The following FMN2 variants were observed in gnomAD, a reference collection of about 807,000 sequenced individuals.
FMN2 encodes formin-2.
A neutral mutation model predicts 142.3 loss-of-function variants in FMN2; 51 were observed. The ratio of observed to expected loss-of-function variants is 0.36; its 90% CI spans 0.29 to 0.45. FMN2 has a LOEUF of 0.45. Among genes scored for constraint, FMN2 ranks in the 20% least tolerant of loss-of-function variants. The pLI, the probability that FMN2 is intolerant of heterozygous loss-of-function variation, is 1.00. For missense variants in FMN2, 1,936 were observed against 2,122.8 expected (o/e 0.91, Z 1.73); for synonymous variants, 882 against 869.8 (o/e 1.01, Z -0.25).
chr1:240,411,107 T>A (rs1674372356), intron 15 of FMN2, among the ~76,000 whole-genome samples: 1 of 152,232 alleles, frequency 6.6e-6, no homozygotes, highest in Non-Finnish European at 1.5e-5. Context: ...AGGAAGGTTG[T>A]CTAGAAGATA....
chr1:240,275,847 A>G (rs1189477165), intron 7 of FMN2, among the ~76,000 whole-genome samples: 1 of 152,192 alleles, frequency 6.6e-6, no homozygotes, highest in Admixed American at 6.5e-5. Context: ...ACCAGTAATG[A>G]TGAGCTTTTT....
At chr1:240,416,575 C>G (rs1283941086) in intron 15 of FMN2, among the ~76,000 whole-genome samples, 2 of 152,062 alleles carry the variant, frequency 1.3e-5, no homozygotes, top group Non-Finnish European at 2.9e-5. Flanking sequence ...CCCAGCCTCC[C>G]TTTCCATTCT....
Position 240,092,401 on chromosome 1 carries a change from C to A in FMN2, c.292C>A (p.Leu98Met). The change falls in exon 1 of 18, where the codon CTG (leucine) becomes ATG (methionine). Residue 98 changes from leucine (L) to methionine (M), a missense_variant. This residue lies in a region of FMN2 where 751 missense variants were observed against 791.8 expected (regional missense o/e 0.95). Transcript: ENST00000319653. ...KGAGGSREDV[L>M]DSQALQTGEL... Reference sequence around the variant, plus strand: ...CGCCGGCGGCTCCCGCGAAGATGTACTGGATTCCCAGGCCCTGCAGACCGG... The same window carrying A: ...CGCCGGCGGCTCCCGCGAAGATGTAATGGATTCCCAGGCCCTGCAGACCGG... The A allele has an allele frequency of 6.2e-7, 1 of 1,612,760 alleles. No individual in the cohort carries two copies. Among genetic ancestry groups the A allele is most frequent in the Non-Finnish European group, 8.5e-7 (1 of 1,179,694 alleles).
chr1:240,266,091 T>C (rs56905046), intron 7 of FMN2, among the ~76,000 whole-genome samples: 2,799 of 150,998 alleles, frequency 0.019, 71 homozygotes, highest in African/African-American at 0.065. Flanking sequence ...GTTATCTGGG[T>C]ATATTGCATG....
intron 16 of FMN2, among the ~76,000 whole-genome samples, chr1:240,468,262 A>ACACACACATATACATATG (rs1335853540): frequency 6.8e-4 from 104 of 151,976 alleles, no homozygotes; most frequent in African/African-American, 2.5e-3. Flanking sequence ...ATACATATGC[A>ACACACACATATACATATG]CACACACATA....
chr1:240,355,950 GCA>G, intron 14 of FMN2, 42 bp downstream of exon 14: 1 of 86,174 alleles, frequency 1.2e-5, no homozygotes. Context: ...TCCCCTTTCA[GCA>G]AAAAAAAAAA....
chr1:240,296,812 TA>T (rs1572166611), intron 8 of FMN2, among the ~76,000 whole-genome samples: 1 of 152,152 alleles, frequency 6.6e-6, no homozygotes, highest in East Asian at 1.9e-4. Flanking sequence ...ATGGTGAGCA[TA>T]AGCATTCAGT....
At chr1:240,289,290 A>T (rs2102950933) in intron 7 of FMN2, among the ~76,000 whole-genome samples, 1 of 152,242 alleles carries the variant, frequency 6.6e-6, no homozygotes, top group African/African-American at 2.4e-5. Flanking sequence ...CCCTGATTTT[A>T]AAAAATATCA....
chr1:240,115,496 T>A (rs1401074697), intron 1 of FMN2, among the ~76,000 whole-genome samples: 2 of 152,188 alleles, frequency 1.3e-5, no homozygotes, highest in African/African-American at 2.4e-5. Context: ...CTGACACACA[T>A]TGCCAAATTG....
At chr1:240,109,329 G>C (rs1451978152) in intron 1 of FMN2, among the ~76,000 whole-genome samples, 6 of 152,206 alleles carry the variant, frequency 3.9e-5, no homozygotes, top group Non-Finnish European at 8.8e-5. Flanking sequence ...TACTGAAGTG[G>C]ATTGTCACTG....
chr1:240,218,973 G>A (rs1215236450), intron 6 of FMN2, among the ~76,000 whole-genome samples: 1 of 152,144 alleles, frequency 6.6e-6, no homozygotes, highest in Non-Finnish European at 1.5e-5. Flanking sequence ...GATAAAGGCT[G>A]TGTGGAGGAG....
At position 240,093,624 on chromosome 1, in the gene FMN2, C is replaced by A; in HGVS notation, c.1515C>A (p.Arg505=). The change falls in exon 1 of 18, where the codon CGC becomes CGA. Residue 505 remains arginine, a synonymous_variant. Coordinates refer to ENST00000319653, the MANE Select transcript of FMN2 (RefSeq NM_020066.5). The stretch of plus-strand genomic sequence containing the variant: ...GAGGCTCCGCGCACCTGCTGGAGCG[C>A]GGGGTGGCGAGTGACAGCGGCGGTG... ...RVGGSAHLLE[R]GVASDSGGGV... is the part of the protein sequence containing the mutation. The A allele has an allele frequency of 7.0e-7, 1 of 1,421,750 alleles. No individual in the cohort carries two copies. 88.1% of individuals were successfully genotyped at this position (1,421,750 alleles called of 1,614,324 possible). A position where few individuals can be genotyped will look rare whatever the true frequency, so the allele number is the denominator to read the frequency against.
chr1:240,352,751 G>A (rs1672136775), intron 13 of FMN2, among the ~76,000 whole-genome samples: 1 of 152,158 alleles, frequency 6.6e-6, no homozygotes, highest in East Asian at 1.9e-4. Context: ...ACAGTTTTAG[G>A]AAACTCTCAA....
chr1:240,437,972 A>G, intron 15 of FMN2, 89 bp from the exon 16 acceptor site: 1 of 1,467,924 alleles, frequency 6.8e-7, no homozygotes, highest in South Asian at 1.4e-5. Flanking sequence ...ATTGTGCATG[A>G]ATAAAATCAG....
At chr1:240,188,635 C>T (rs891149574) in intron 4 of FMN2, among the ~76,000 whole-genome samples, 10 of 152,164 alleles carry the variant, frequency 6.6e-5, no homozygotes, top group Non-Finnish European at 1.5e-5. Flanking sequence ...TCTGTCAGAG[C>T]TTTGCTAAAG....
intron 2 of FMN2, among the ~76,000 whole-genome samples, chr1:240,173,429 G>T (rs1376663084): frequency 1.3e-5 from 2 of 152,176 alleles, no homozygotes; most frequent in African/African-American, 4.8e-5. Flanking sequence ...TGACAGGTGT[G>T]CTGAGTTAGC....
intron 8 of FMN2, among the ~76,000 whole-genome samples, chr1:240,299,677 C>T (rs1282801488): frequency 1.3e-5 from 2 of 151,968 alleles, no homozygotes; most frequent in Admixed American, 6.6e-5. Context: ...CTCAGGAGCC[C>T]CTGGAATTGC....
intron 4 of FMN2, among the ~76,000 whole-genome samples, chr1:240,198,517 G>A (rs948023239): frequency 2.0e-5 from 3 of 152,134 alleles, no homozygotes; most frequent in Non-Finnish European, 4.4e-5. Flanking sequence ...AATTCATCAT[G>A]TATTTTATAC....
At chr1:240,389,260 C>A (rs539378295) in intron 14 of FMN2, among the ~76,000 whole-genome samples, 1 of 152,210 alleles carries the variant, frequency 6.6e-6, no homozygotes, top group South Asian at 2.1e-4. Context: ...ACCATTTATG[C>A]CATTAGAGAT....
Sources: allele counts gnomAD v4.1 joint callset (sites outside exome capture counted in the v4.1 genomes callset), GRCh38; gene constraint gnomAD v4.1.1; regional missense constraint gnomAD v4.1.1; transcripts MANE v1.5; gene names NCBI Gene and HGNC (gene_info 2026-07-23, HGNC 2026-07-21).